BMPER: variants seen among roughly 807,000 people sequenced by gnomAD.
The protein encoded by BMPER is BMP-binding endothelial regulator protein.
In BMPER, 45 loss-of-function variants were observed where a neutral mutation model predicts 87.3. The ratio of observed to expected loss-of-function variants is 0.52; its 90% CI spans 0.41 to 0.66. The LOEUF (loss-of-function observed/expected upper bound fraction) is 0.66. Ranked by LOEUF, BMPER falls within the 30% of genes least tolerant of loss-of-function variation. The probability of loss-of-function intolerance (pLI) is 0.00; values close to 1 mark genes in which losing one functional copy is unlikely to be tolerated. For synonymous variants in BMPER, 326 were observed against 316.2 expected, an observed-to-expected ratio of 1.03 and a Z score of -0.33; for missense variants, 784 against 867.5, an observed-to-expected ratio of 0.90 and a Z score of 1.21.
At chr7:34,028,098 A>G (rs915363005) in intron 6 of BMPER, among the ~76,000 whole-genome samples, 15 of 152,108 alleles carry the variant, frequency 9.9e-5, no homozygotes, top group African/African-American at 3.4e-4. Context: ...CAAAATTGCT[A>G]TTAAAACCCT....
At chr7:34,133,904 G>A (rs531763867) in intron 13 of BMPER, among the ~76,000 whole-genome samples, 1 of 152,090 alleles carries the variant, frequency 6.6e-6, no homozygotes, top group Non-Finnish European at 1.5e-5. Flanking sequence ...GGTAAAGAAT[G>A]TTTCTCTTCT....
rs1789262289 is a variant in BMPER, at chr7:34,087,922, T to A, written c.1745+1830T>A. 3.9e-5 allele frequency among the ~76,000 whole-genome samples: 6 copies of A among 152,328 alleles called. No homozygotes were observed. In the South Asian group the frequency reaches 1.2e-3, roughly 32 times the overall value. On this transcript the variant is annotated intron_variant, in intron 13 of 14. Coordinates refer to ENST00000649409, the MANE Select transcript of BMPER (RefSeq NM_001365308.1). The stretch of plus-strand genomic sequence containing the variant: ...TTCGGTGATTTATTTAGTGTTATGA[T>A]TTCTGGACTGCAACAGAAATATGAT...
chr7:34,064,397 C>G (rs1233859120), intron 11 of BMPER, among the ~76,000 whole-genome samples: 1 of 152,106 alleles, frequency 6.6e-6, no homozygotes, highest in Non-Finnish European at 1.5e-5. Flanking sequence ...TGAGAAAAAT[C>G]TACATTATAT....
At chr7:34,022,512 A>G (rs1030295370) in intron 6 of BMPER, among the ~76,000 whole-genome samples, 11 of 152,008 alleles carry the variant, frequency 7.2e-5, no homozygotes, top group Admixed American at 6.6e-4. Context: ...TTTCTCTATC[A>G]GGAAACTTCA....
chr7:33,980,587 G>A (rs1248229392), intron 6 of BMPER, among the ~76,000 whole-genome samples: 1 of 152,182 alleles, frequency 6.6e-6, no homozygotes, highest in Non-Finnish European at 1.5e-5. Flanking sequence ...AATCAGAGAT[G>A]TTTGTGTTCT....
chr7:33,945,674 T>G (rs760687974), intron 3 of BMPER, among the ~76,000 whole-genome samples: 11 of 152,172 alleles, frequency 7.2e-5, no homozygotes, highest in Non-Finnish European at 1.5e-4. Flanking sequence ...ATCTGGTTGA[T>G]TTTAAGACCT....
In BMPER at chr7:34,153,181, A is replaced by C; in HGVS notation, c.1966A>C (p.Asn656His). Reference sequence around the variant, plus strand: ...CAACTGGAATGAAATTGGTCCATGCAACAAGCCGTGCGTTGCTGGGTGCCA... The same window carrying C: ...CAACTGGAATGAAATTGGTCCATGCCACAAGCCGTGCGTTGCTGGGTGCCA... ...CDNWNEIGPC[N>H]KPCVAGCHCP... is the part of the protein sequence containing the mutation. The change falls in exon 15 of 15, where the codon AAC becomes CAC. Residue 656 changes from asparagine to histidine, a missense_variant. Physicochemically the swap from Asn to His is moderately conservative, Grantham distance 68. Coordinates refer to ENST00000649409, the MANE Select transcript of BMPER (RefSeq NM_001365308.1). 1 of 1,613,990 alleles carries C rather than the reference A, an allele frequency of 6.2e-7. No individual in the cohort carries two copies. Among genetic ancestry groups the C allele is most frequent in the Non-Finnish European group, 8.5e-7 (1 of 1,179,912 alleles).
At chr7:33,960,596 G>A (rs189952725) in intron 3 of BMPER, among the ~76,000 whole-genome samples, 4 of 152,306 alleles carry the variant, frequency 2.6e-5, no homozygotes, top group Admixed American at 1.3e-4. Context: ...GACTGTTTGT[G>A]TGCTTATTAA....
chr7:34,042,129 G>A (rs142071738), intron 6 of BMPER, among the ~76,000 whole-genome samples: 3 of 152,234 alleles, frequency 2.0e-5, no homozygotes, highest in East Asian at 1.9e-4. Flanking sequence ...TTTACATAAA[G>A]CAATTGTGTT....
Position 33,939,928 on chromosome 7 carries a change from C to T in BMPER, c.319+2540C>T, listed in dbSNP as rs572370302. On this transcript the variant is annotated intron_variant, in intron 3 of 14. Coordinates refer to ENST00000649409, the MANE Select transcript of BMPER (RefSeq NM_001365308.1). ...GATGTTAATATGCACCCTTTGTTTT[C>T]TCTCTTTCTACCTCGTAATACAGTG... 57 of 269,070 alleles carry T rather than the reference C, an allele frequency of 2.1e-4. 1 individual carries two copies. In the South Asian group the frequency reaches 2.3e-3, roughly 11 times the overall value. 16.7% of individuals were successfully genotyped at this position (269,070 alleles called of 1,614,324 possible).
intron 1 of BMPER, 38 bp downstream of exon 1, chr7:33,905,784 G>T: frequency 6.4e-7 from 1 of 1,559,840 alleles, no homozygotes. Context: ...CCTCCGGGAC[G>T]CCGGTTTGGT....
chr7:33,911,384 G>T (rs1350490932), intron 2 of BMPER, among the ~76,000 whole-genome samples: 1 of 152,218 alleles, frequency 6.6e-6, no homozygotes, highest in East Asian at 1.9e-4. Flanking sequence ...TTCCTTCTTT[G>T]CTAAACCAGA....
intron 6 of BMPER, among the ~76,000 whole-genome samples, chr7:33,977,340 T>C (rs569412377): frequency 1.1e-4 from 16 of 151,940 alleles, no homozygotes; most frequent in African/African-American, 3.1e-4. Flanking sequence ...ACTGTGGAGA[T>C]GTTCACTTTA....
chr7:34,078,974 C>G lies in BMPER; in HGVS notation c.1196C>G (p.Ser399Trp). The G allele has an allele frequency of 6.2e-7, 1 of 1,614,232 alleles. No individual in the cohort carries two copies. Among genetic ancestry groups the G allele is most frequent in the Non-Finnish European group, 8.5e-7 (1 of 1,180,050 alleles). ...ACAAAAGACTGCTCCTCCCCTGCCT[C>G]GCCCTTCCAGGTGCTGGTGAAGAAC... is the stretch of plus-strand genomic sequence containing the variant. ...VLTKDCSSPA[S>W]PFQVLVKNDA... The change falls in exon 12 of 15, where the codon TCG becomes TGG. Residue 399 changes from serine (S) to tryptophan (W), a missense_variant. Ser to Trp is a radical substitution (Grantham distance 177, BLOSUM62 -3). Coordinates refer to ENST00000649409, the MANE Select transcript of BMPER (RefSeq NM_001365308.1).
chr7:33,943,475 T>C (rs1305809083), intron 3 of BMPER, among the ~76,000 whole-genome samples: 1 of 152,190 alleles, frequency 6.6e-6, no homozygotes, highest in Non-Finnish European at 1.5e-5. Context: ...GATAGCTGTT[T>C]AGATTTTCAG....
At chr7:34,112,963 A>G (rs1422361975) in intron 13 of BMPER, among the ~76,000 whole-genome samples, 1 of 151,944 alleles carries the variant, frequency 6.6e-6, no homozygotes, top group African/African-American at 2.4e-5. Context: ...TCTTTAAGAT[A>G]AAATTTTAGA....
intron 3 of BMPER, among the ~76,000 whole-genome samples, chr7:33,945,942 C>A (rs527350935): frequency 1.3e-5 from 2 of 152,190 alleles, no homozygotes; most frequent in South Asian, 4.2e-4. Context: ...CAGAGAAGTA[C>A]CATCTGGTTG....
chr7:34,029,784 T>G (rs1264049031), intron 6 of BMPER, among the ~76,000 whole-genome samples: 8 of 152,094 alleles, frequency 5.3e-5, no homozygotes, highest in African/African-American at 1.9e-4. Context: ...TTCCTCAGGA[T>G]AGCCTACAAA....
At chr7:33,979,779 G>T (rs1785800077) in intron 6 of BMPER, among the ~76,000 whole-genome samples, 1 of 152,210 alleles carries the variant, frequency 6.6e-6, no homozygotes, top group African/African-American at 2.4e-5. Flanking sequence ...GTCCCCACTG[G>T]CAAGTGGCTT....
Sources: allele counts gnomAD v4.1 joint callset (sites outside exome capture counted in the v4.1 genomes callset), GRCh38; gene constraint gnomAD v4.1.1; transcripts MANE v1.5; gene names NCBI Gene and HGNC (gene_info 2026-07-23, HGNC 2026-07-21).